The following VSIG4 variants were observed in gnomAD, a reference collection of about 807,000 sequenced individuals.
The protein encoded by VSIG4 is V-set and immunoglobulin domain-containing protein 4.
VSIG4 carries 34 observed loss-of-function variants against 23.4 expected under a neutral mutation model. The ratio of observed to expected loss-of-function variants is 1.45; its 90% confidence interval spans 1.10 to 1.93. VSIG4 has a LOEUF of 1.93. Ranked by LOEUF, VSIG4 falls within the 30% of genes most tolerant of loss-of-function variation. VSIG4 has a pLI of 0.00. For missense variants in VSIG4, 433 were observed against 310.8 expected, an observed-to-expected ratio of 1.39 and a Z score of -2.96; for synonymous variants, 169 against 120.3, an observed-to-expected ratio of 1.41 and a Z score of -2.65.
intron 2 of VSIG4, among the ~76,000 whole-genome samples, chrX:66,033,098 T>G (rs2085484725): frequency 9.0e-6 from 1 of 111,402 alleles, no homozygotes; most frequent in Admixed American, 9.5e-5. Flanking sequence ...GCAAGCAAAC[T>G]TATCCTGGCT....
chrX:66,033,461 C>A lies in VSIG4; in HGVS notation c.412+13G>T, dbSNP rs898624548. 8.5e-7 allele frequency: 1 copy of A among 1,173,311 alleles called. No individual in the cohort carries two copies. The highest frequency in any genetic ancestry group is 1.8e-5 in the African/African-American group (1 of 56,415). On this transcript the variant is annotated intron_variant, in intron 2 of 7. Coordinates refer to ENST00000374737, the MANE Select transcript of VSIG4 (RefSeq NM_007268.3). ...TTGATTATCAGTGCTTTCCTACCCC[C>A]ATAGTGACTCACGTTTCTGGACACG...
chrX:66,024,857 C>A (rs913917849), intron 6 of VSIG4, among the ~76,000 whole-genome samples, 168 bp downstream of exon 6: 4 of 111,764 alleles, frequency 3.6e-5, no homozygotes, highest in African/African-American at 1.3e-4. Context: ...AAGTCTTATG[C>A]CATTGTTTGC....
chrX:66,032,650 G>T lies in VSIG4; in HGVS notation c.512C>A (p.Pro171His), dbSNP rs1275663476. Reference sequence around the variant, plus strand: ...CTTATACCAAATATAACTGATGGGAGGAGAACCCCGAGCCTGGCATTGAAG... The same window carrying T: ...CTTATACCAAATATAACTGATGGGATGAGAACCCCGAGCCTGGCATTGAAG... ...ISLQCQARGSPPISYIWYKQQ... is the reference protein window; with the variant it reads ...ISLQCQARGSHPISYIWYKQQ... The change falls in exon 3 of 8, where the codon CCT becomes CAT. Residue 171 changes from proline to histidine, a missense_variant. Coordinates refer to ENST00000374737, the MANE Select transcript of VSIG4 (RefSeq NM_007268.3). 1.7e-6 allele frequency: 2 copies of T among 1,211,445 alleles called. No individual in the cohort carries two copies. Among genetic ancestry groups the T allele is most frequent in the East Asian group, 5.9e-5 (2 of 33,814 alleles).
Position 66,027,860 on chromosome X carries a change from G to A in VSIG4, c.757+190C>T, listed in dbSNP as rs185512634. On this transcript the variant is annotated intron_variant, in intron 4 of 7. Transcript: ENST00000374737. ...CCCTCTCTTTCCTTTTGCCTCAGAA[G>A]TTTTCACAAAAAAAGAGTATATATT... Among the ~76,000 whole-genome samples, 498 of 111,958 alleles carry A rather than the reference G, an allele frequency of 4.4e-3. 4 individuals are homozygous for A. The highest frequency in any genetic ancestry group is 0.033 in the Middle Eastern group (7 of 215).
chrX:66,022,806 C>G (rs112004626), intron 7 of VSIG4, 35 bp downstream of exon 7: 4 of 1,210,966 alleles, frequency 3.3e-6, no homozygotes, highest in East Asian at 3.0e-5. Context: ...AGGGCAGGGA[C>G]GGGGTCAAAA....
At chrX:66,022,613 G>A in intron 7 of VSIG4, 113 bp from the exon 8 acceptor site, 1 of 1,140,483 alleles carries the variant, frequency 8.8e-7, no homozygotes. Flanking sequence ...ACCACCCAGG[G>A]ATTCTGGAAG....
chrX:66,035,633 G>T (rs754848593), intron 1 of VSIG4, among the ~76,000 whole-genome samples: 2 of 112,075 alleles, frequency 1.8e-5, no homozygotes, highest in Non-Finnish European at 3.8e-5. Flanking sequence ...CCATGTGATT[G>T]CAGATACAGC....
At chrX:66,038,466 T>C (rs1431400628) in intron 1 of VSIG4, among the ~76,000 whole-genome samples, 1 of 92,668 alleles carries the variant, frequency 1.1e-5, no homozygotes, top group Non-Finnish European at 2.0e-5. Flanking sequence ...GACACATGAG[T>C]GCTCTCTCTC....
rs956008213 is a variant in VSIG4 at position 66,029,309 on chromosome X, A to AT, written c.695-1198dup. 6.3e-5 allele frequency among the ~76,000 whole-genome samples: 7 copies of AT among 110,657 alleles called. No individual in the cohort carries two copies. In the South Asian group the frequency reaches 1.2e-3, roughly 18 times the overall value. ...AAAGGAAGCAAAAATTGTTCAGTCT[A>AT]TTTTTTTTGGAAATAATTCTGACAA... is the stretch of plus-strand genomic sequence containing the variant. On this transcript the variant is annotated intron_variant, in intron 3 of 7. Transcript: ENST00000374737.
intron 5 of VSIG4, 149 bp downstream of exon 5, chrX:66,027,300 C>T: frequency 2.0e-6 from 1 of 502,215 alleles, no homozygotes; most frequent in South Asian, 3.0e-5. Flanking sequence ...CCCACTTTAC[C>T]CATCCTCAGT....
At chrX:66,034,778 T>G (rs866979304) in intron 1 of VSIG4, among the ~76,000 whole-genome samples, 1,604 of 24,827 alleles carry the variant, frequency 0.065, 3 homozygotes, top group Middle Eastern at 0.19. Flanking sequence ...GGGGTGGGGG[T>G]GGGGAAGGAG....
intron 1 of VSIG4, among the ~76,000 whole-genome samples, chrX:66,034,474 G>A (rs1243055749): frequency 1.8e-5 from 2 of 111,812 alleles, no homozygotes; most frequent in Non-Finnish European, 3.8e-5. Context: ...GAAGAAGTCT[G>A]GATACACATT....
intron 7 of VSIG4, 89 bp downstream of exon 7, chrX:66,022,752 C>A: frequency 8.3e-7 from 1 of 1,204,180 alleles, no homozygotes; most frequent in Non-Finnish European, 1.1e-6. Flanking sequence ...TGGGTCTGTG[C>A]CACACCCCCC....
At chrX:66,025,310 T>C (rs1168245070) in intron 5 of VSIG4, among the ~76,000 whole-genome samples, 181 bp from the exon 6 acceptor site, 2 of 112,090 alleles carry the variant, frequency 1.8e-5, no homozygotes, top group African/African-American at 6.5e-5. Flanking sequence ...GAGAAAGAGA[T>C]GCCATGTGTA....
At chrX:66,027,821 G>A (rs928131628) in intron 4 of VSIG4, among the ~76,000 whole-genome samples, 1 of 112,205 alleles carries the variant, frequency 8.9e-6, no homozygotes, top group African/African-American at 3.2e-5. Flanking sequence ...TATTTCCAAT[G>A]GGAGTAATTC....
At chrX:66,022,891 A>G in intron 6 of VSIG4, 29 bp from the exon 7 acceptor site, 1 of 1,204,967 alleles carries the variant, frequency 8.3e-7, no homozygotes, top group Non-Finnish European at 1.1e-6. Context: ...TCATGTCAGA[A>G]GTTTTCATGG....
rs376320112 is a variant in VSIG4, at chrX:66,032,659, C to A, written c.503G>T (p.Arg168Leu). 2 of 1,211,246 alleles carry A rather than the reference C, an allele frequency of 1.7e-6. No homozygotes were observed. Among genetic ancestry groups the A allele is most frequent in the East Asian group, 3.0e-5 (1 of 33,805 alleles). ...AATATAACTGATGGGAGGAGAACCC[C>A]GAGCCTGGCATTGAAGGCTAATCCT... ...GMRISLQCQARGSPPISYIWY... is the reference protein window; with the variant it reads ...GMRISLQCQALGSPPISYIWY... The change falls in exon 3 of 8, where the codon CGG becomes CTG. Residue 168 changes from arginine (R) to leucine (L), a missense_variant. Transcript: ENST00000374737.
At chrX:66,030,759 C>T (rs943438769) in intron 3 of VSIG4, among the ~76,000 whole-genome samples, 1 of 111,721 alleles carries the variant, frequency 9.0e-6, no homozygotes, top group African/African-American at 3.3e-5. Context: ...CAAATAGACA[C>T]ACGGCATGGG....
chrX:66,032,448 C>T lies in VSIG4; in HGVS notation c.694+20G>A. 5.8e-6 allele frequency: 7 copies of T among 1,200,138 alleles called. No individual in the cohort carries two copies. The highest frequency in any genetic ancestry group is 7.9e-6 in the Non-Finnish European group (7 of 888,409). On this transcript the variant is annotated intron_variant, in intron 3 of 7. Transcript: ENST00000374737. ...CAAGCTTGTGTGTTAAGATGCTCAC[C>T]AGGAAAGAGGGCCGCTCACCTTTGA...
Sources: allele counts gnomAD v4.1 joint callset (sites outside exome capture counted in the v4.1 genomes callset), GRCh38; gene constraint gnomAD v4.1.1; transcripts MANE v1.5; gene names NCBI Gene and HGNC (gene_info 2026-07-23, HGNC 2026-07-21).